NBN: variants seen among roughly 807,000 people sequenced by gnomAD.
NBN encodes nibrin.
NBN carries 88 observed loss-of-function variants against 90.8 expected under a neutral mutation model. The observed-to-expected ratio is 0.97, with a 90% CI of 0.82 to 1.16. NBN has a LOEUF of 1.16. Ranked by LOEUF, NBN falls within the 50% of genes most tolerant of loss-of-function variation. NBN has a pLI of 0.00. For synonymous variants in NBN, 328 were observed against 295.1 expected (o/e 1.11, Z -1.14); for missense variants, 894 against 869.6 (o/e 1.03, Z -0.35).
chr8:89,937,139 A>G (rs192388243), intron 14 of NBN, 64 bp from the exon 15 acceptor site: 1 of 1,465,354 alleles, frequency 6.8e-7, no homozygotes, highest in East Asian at 2.3e-5. Flanking sequence ...ATGAATTGCT[A>G]TAGTGATAGG....
intron 10 of NBN, 37 bp downstream of exon 10, chr8:89,955,246 T>G (rs1411626353): frequency 6.2e-7 from 1 of 1,600,476 alleles, no homozygotes; most frequent in Non-Finnish European, 8.6e-7. Flanking sequence ...CTTTCATTTT[T>G]TTTTCAGAGA....
At chr8:89,939,181 T>G (rs1041575087) in intron 14 of NBN, among the ~76,000 whole-genome samples, 1 of 152,012 alleles carries the variant, frequency 6.6e-6, no homozygotes, top group Non-Finnish European at 1.5e-5. Context: ...CTGGTGGGTC[T>G]GCAGCAGAGG....
intron 8 of NBN, among the ~76,000 whole-genome samples, chr8:89,963,703 T>A (rs1294658961): frequency 6.6e-6 from 1 of 152,166 alleles, no homozygotes; most frequent in African/African-American, 2.4e-5. Flanking sequence ...GGCACCACCA[T>A]CCACCCAGTT....
At chr8:89,936,373 T>C (rs1354989301) in intron 15 of NBN, among the ~76,000 whole-genome samples, 1 of 152,124 alleles carries the variant, frequency 6.6e-6, no homozygotes, top group Non-Finnish European at 1.5e-5. Context: ...TCAACATTTT[T>C]ACCAGCAATT....
chr8:89,981,800 T>C, intron 2 of NBN: 1 of 499,484 alleles, frequency 2.0e-6, no homozygotes, highest in South Asian at 2.2e-5. Flanking sequence ...TCACACACAT[T>C]TGAGAATTTT....
At chr8:89,959,596 T>TA (rs1028767400) in intron 8 of NBN, among the ~76,000 whole-genome samples, 63 of 151,432 alleles carry the variant, frequency 4.2e-4, no homozygotes, top group Middle Eastern at 6.9e-3. Flanking sequence ...CTACAAAAAT[T>TA]AAAAAAAACT....
At chr8:89,947,799 T>A (rs1563516112) in intron 12 of NBN, 25 bp downstream of exon 12, 9 of 1,416,444 alleles carry the variant, frequency 6.4e-6, no homozygotes, top group Non-Finnish European at 7.9e-6. Flanking sequence ...CAAATCTGTA[T>A]AAAAATTAAT....
At chr8:89,943,911 A>T (rs1318970760) in intron 13 of NBN, among the ~76,000 whole-genome samples, 1 of 152,234 alleles carries the variant, frequency 6.6e-6, no homozygotes, top group Non-Finnish European at 1.5e-5. Context: ...ATGCCCATCA[A>T]GATCATTGTT....
At chr8:89,973,498 T>C (rs1275569900) in intron 5 of NBN, among the ~76,000 whole-genome samples, 2 of 152,212 alleles carry the variant, frequency 1.3e-5, no homozygotes, top group Non-Finnish European at 2.9e-5. Context: ...TGGGTTATTC[T>C]TAGTAATACC....
In NBN at chr8:89,946,502, T is replaced by C. The variant is rs189942764; in HGVS notation, c.1915-207A>G. 7.7e-5 allele frequency: 41 copies of C among 534,344 alleles called. No homozygotes were observed. In the East Asian group the frequency reaches 1.0e-3, roughly 13 times the overall value. The allele number at this position is 534,344 out of a possible 1,614,324, so 33.1% of individuals were successfully genotyped here. A position where few individuals can be genotyped will look rare whatever the true frequency, so the allele number is the denominator to read the frequency against. On this transcript the variant is annotated intron_variant, in intron 12 of 15. Coordinates refer to ENST00000265433, the MANE Select transcript of NBN (RefSeq NM_002485.5). ...ACTTACTCAAATGCTCTATAAACTT[T>C]GGAAACATTTATAACATACTCATCT...
chr8:89,957,600 G>C (rs1349272950), intron 9 of NBN, among the ~76,000 whole-genome samples: 1 of 152,144 alleles, frequency 6.6e-6, no homozygotes, highest in African/African-American at 2.4e-5. Flanking sequence ...GACTTACCCA[G>C]AACAGCTTCC....
At chr8:89,970,881 T>C (rs1480478279) in intron 6 of NBN, among the ~76,000 whole-genome samples, 10 of 152,224 alleles carry the variant, frequency 6.6e-5, no homozygotes, top group Admixed American at 6.5e-4. Flanking sequence ...ACTTCTTTAG[T>C]GAGCTTACTA....
At chr8:89,969,923 C>G (rs1301379490) in intron 7 of NBN, among the ~76,000 whole-genome samples, 1 of 151,722 alleles carries the variant, frequency 6.6e-6, no homozygotes, top group Non-Finnish European at 1.5e-5. Context: ...TGCACTCCAG[C>G]CTGGACAACA....
intron 2 of NBN, chr8:89,982,276 C>A: frequency 4.2e-6 from 1 of 236,786 alleles, no homozygotes; most frequent in Non-Finnish European, 8.5e-6. Flanking sequence ...ATGAGAAATG[C>A]CCGTTTCCAC....
Position 89,981,370 on chromosome 8 carries a change from C to A in NBN, c.320+5G>T, listed in dbSNP as rs1563580422. On this transcript the variant is annotated splice_donor_5th_base_variant and intron_variant, in intron 3 of 15. Transcript: ENST00000265433. ...CATTTTAAAATCAATTTTAAAATGT[C>A]TTACCTGAATTTACTTCCAAACACT... The A allele has an allele frequency of 1.2e-6, 2 of 1,613,536 alleles. No individual in the cohort carries two copies. The highest frequency in any genetic ancestry group is 1.7e-6 in the Non-Finnish European group (2 of 1,179,640).
At chr8:89,936,948 A>G in intron 15 of NBN, 78 bp downstream of exon 15, 1 of 1,191,064 alleles carries the variant, frequency 8.4e-7, no homozygotes, top group South Asian at 1.2e-5. Flanking sequence ...GAAGAAACAA[A>G]TTCTTAATTT....
chr8:89,962,998 G>A (rs184247656), intron 8 of NBN, among the ~76,000 whole-genome samples: 34 of 152,174 alleles, frequency 2.2e-4, no homozygotes, highest in Non-Finnish European at 3.5e-4. Context: ...CTCTCTGTCC[G>A]TCAGTTCCCT....
Position 89,944,482 on chromosome 8 carries a change from C to T in NBN, c.2071-1116G>A, listed in dbSNP as rs1372018716. Among the ~76,000 whole-genome samples, 7 of 152,156 alleles carry T rather than the reference C, an allele frequency of 4.6e-5. No homozygotes were observed. In the East Asian group the frequency reaches 9.6e-4, roughly 21 times the overall value. On this transcript the variant is annotated intron_variant, in intron 13 of 15. Transcript: ENST00000265433. ...TCCGCCACAGTGTGCTCAGTCCTCT[C>T]GCTGAGGCACCCCTCTGCATTCTTC...
rs1208423434 is a variant in NBN at position 89,970,376 on chromosome 8, T to G, written c.884A>C (p.Asp295Ala). Residue 295 changes from aspartate (D) to alanine (A), a missense_variant, in exon 7 of 16, where the codon GAT (aspartate) becomes GCT (alanine). Transcript: ENST00000265433. ...CQKKWIQSIM[D>A]MLQRQGLRPI... ...AATAATTCTATACCTTTGGAGCATA[T>G]CCATTATTGACTGAATCCATTTCTT... is the stretch of plus-strand genomic sequence containing the variant. The G allele has an allele frequency of 6.2e-7, 1 of 1,609,552 alleles. No individual in the cohort carries two copies. The highest frequency in any genetic ancestry group is 2.2e-5 in the East Asian group (1 of 44,848).
Sources: gnomAD v4.1 joint callset for allele counts (sites outside exome capture counted in the v4.1 genomes callset) on GRCh38, gnomAD v4.1.1 for gene constraint, MANE v1.5 for transcripts, NCBI Gene and HGNC (gene_info 2026-07-23, HGNC 2026-07-21) for gene names.